Variants in CCDC152 observed in about 807,000 individuals in gnomAD.
The protein encoded by CCDC152 is coiled-coil domain-containing protein 152.
In CCDC152, 37 loss-of-function variants were observed where a neutral mutation model predicts 38.1. The observed-to-expected ratio is 0.97, with a 90% confidence interval of 0.75 to 1.28. CCDC152 has a LOEUF of 1.28. Ranked by LOEUF, CCDC152 falls within the 50% of genes most tolerant of loss-of-function variation. The pLI is 0.00. For synonymous variants in CCDC152, 83 were observed against 87.1 expected, an observed-to-expected ratio of 0.95 and a Z score of 0.26; for missense variants, 259 against 292.1, an observed-to-expected ratio of 0.89 and a Z score of 0.83.
intron 6 of CCDC152, among the ~76,000 whole-genome samples, chr5:42,787,567 T>C (rs2111579727): frequency 6.6e-6 from 1 of 152,248 alleles, no homozygotes; most frequent in South Asian, 2.1e-4. Flanking sequence ...TAAATCTGGG[T>C]GTTCCAGTGT....
chr5:42,775,987 A>G (rs1759764362), intron 4 of CCDC152, among the ~76,000 whole-genome samples: 1 of 151,998 alleles, frequency 6.6e-6, no homozygotes, highest in Admixed American at 6.5e-5. Flanking sequence ...ATCACGTGAA[A>G]TACTCAAAAC....
At chr5:42,769,284 T>A (rs1759667453) in intron 3 of CCDC152, among the ~76,000 whole-genome samples, 1 of 151,996 alleles carries the variant, frequency 6.6e-6, no homozygotes, top group Admixed American at 6.5e-5. Flanking sequence ...TTTATATAAT[T>A]TTATTTAAGG....
chr5:42,758,884 G>C (rs1759513708), intron 1 of CCDC152, among the ~76,000 whole-genome samples: 1 of 152,164 alleles, frequency 6.6e-6, no homozygotes, highest in South Asian at 2.1e-4. Flanking sequence ...TTTTAATGCA[G>C]TAAAGAAACA....
intron 3 of CCDC152, among the ~76,000 whole-genome samples, chr5:42,767,794 T>C (rs1759645179): frequency 6.6e-6 from 1 of 152,244 alleles, no homozygotes; most frequent in South Asian, 2.1e-4. Context: ...TCAGCTACTA[T>C]ATTCTATGAA....
intron 7 of CCDC152, 109 bp from the exon 8 acceptor site, chr5:42,799,266 A>G (rs2111609706): frequency 1.7e-6 from 1 of 585,508 alleles, no homozygotes; most frequent in South Asian, 2.7e-5. Flanking sequence ...ACTGTAATTT[A>G]CACCTGAATT....
intron 4 of CCDC152, among the ~76,000 whole-genome samples, chr5:42,772,479 T>A (rs566148842): frequency 1.3e-5 from 2 of 152,090 alleles, no homozygotes; most frequent in South Asian, 4.2e-4. Flanking sequence ...AAACCCCGCC[T>A]CTACTAAAAA....
intron 4 of CCDC152, among the ~76,000 whole-genome samples, chr5:42,776,495 G>T (rs1759769805): frequency 6.6e-6 from 1 of 152,130 alleles, no homozygotes; most frequent in African/African-American, 2.4e-5. Flanking sequence ...TGTAGTTGAA[G>T]ATTTCAACAT....
chr5:42,765,235 C>A (rs1007656207), intron 3 of CCDC152, among the ~76,000 whole-genome samples: 2 of 152,016 alleles, frequency 1.3e-5, no homozygotes, highest in African/African-American at 4.8e-5. Flanking sequence ...ATAATGAAAA[C>A]TGTAAAACAC....
At position 42,773,737 on chromosome 5, in the gene CCDC152, T is replaced by C. The variant is rs951106429; in HGVS notation, c.262+4072T>C. Among the ~76,000 whole-genome samples, 12 of 152,322 alleles carry C rather than the reference T, an allele frequency of 7.9e-5. No homozygotes were observed. In the East Asian group the frequency reaches 2.3e-3, roughly 29 times the overall value. ...TTCTCCTACCCCCATACAAGCTCTT[T>C]ATCAGGCATATTAAGTTAAAAAGTA... On this transcript the variant is annotated intron_variant, in intron 4 of 8. Transcript: ENST00000361970.
chr5:42,784,983 A>G (rs1410847478), intron 6 of CCDC152, among the ~76,000 whole-genome samples: 2 of 152,024 alleles, frequency 1.3e-5, no homozygotes, highest in East Asian at 1.9e-4. Context: ...TTGTACTAGT[A>G]CTATGCTGTT....
intron 6 of CCDC152, among the ~76,000 whole-genome samples, chr5:42,786,276 A>T (rs1759920421): frequency 6.6e-6 from 1 of 151,714 alleles, no homozygotes; most frequent in African/African-American, 2.4e-5. Flanking sequence ...TGTTGTTGGT[A>T]TATTTTTTAT....
At chr5:42,799,528 C>T in intron 8 of CCDC152, 70 bp downstream of exon 8, 1 of 1,197,982 alleles carries the variant, frequency 8.3e-7, no homozygotes, top group Non-Finnish European at 1.2e-6. Context: ...TAAAAATCAT[C>T]TAATTCTTAT....
rs903945799 is a variant in CCDC152, at chr5:42,770,259, A to G, written c.262+594A>G. Among the ~76,000 whole-genome samples, 5 of 152,330 alleles carry G rather than the reference A, an allele frequency of 3.3e-5. No individual in the cohort carries two copies. The East Asian group carries it at 7.7e-4, about 23-fold the overall frequency. On this transcript the variant is annotated intron_variant, in intron 4 of 8. Transcript: ENST00000361970. ...AAATTGCCTTAAAGGCCCCTTCCAC[A>G]TAAAACTCACATCAAATAAGCATTT...
intron 4 of CCDC152, among the ~76,000 whole-genome samples, chr5:42,774,848 T>C (rs932474793): frequency 1.3e-5 from 2 of 151,982 alleles, no homozygotes; most frequent in Admixed American, 6.6e-5. Context: ...ACCAGAAATT[T>C]TAAAAAACTA....
chr5:42,769,458 C>T, intron 3 of CCDC152, 139 bp from the exon 4 acceptor site: 1 of 1,006,360 alleles, frequency 9.9e-7, no homozygotes. Context: ...CTGCCTCAGC[C>T]TCTTGAGTCA....
chr5:42,763,172 A>AAAAC (rs1431727956), intron 3 of CCDC152, among the ~76,000 whole-genome samples: 1 of 152,222 alleles, frequency 6.6e-6, no homozygotes, highest in Non-Finnish European at 1.5e-5. Context: ...CAAAAAGGAA[A>AAAAC]AAACAAACAA....
chr5:42,800,608 G>T lies in CCDC152; in HGVS notation c.*827G>T. 3 of 1,293,452 alleles carry T rather than the reference G, an allele frequency of 2.3e-6. No individual in the cohort carries two copies. The highest frequency in any genetic ancestry group is 2.1e-6 in the Non-Finnish European group (2 of 948,032). 80.1% of individuals were successfully genotyped at this position (1,293,452 alleles called of 1,614,324 possible). On this transcript the variant is annotated 3_prime_UTR_variant, in exon 9 of 9. Transcript: ENST00000361970. The stretch of plus-strand genomic sequence containing the variant: ...AAGCCAATTCAGTAGATTTCTCCAT[G>T]TTTGCACAAATCTAATTTCTATTTT...
chr5:42,782,385 C>T (rs148155032), intron 5 of CCDC152, among the ~76,000 whole-genome samples: 1 of 152,054 alleles, frequency 6.6e-6, no homozygotes, highest in East Asian at 1.9e-4. Context: ...TATTCTAAAC[C>T]CTGGTAATGA....
At chr5:42,791,484 C>T (rs1759999163) in intron 6 of CCDC152, among the ~76,000 whole-genome samples, 1 of 152,238 alleles carries the variant, frequency 6.6e-6, no homozygotes, top group Admixed American at 6.5e-5. Flanking sequence ...TTTTTTACCC[C>T]TCACCAGCAC....
Sources: allele counts gnomAD v4.1 joint callset (sites outside exome capture counted in the v4.1 genomes callset), GRCh38; gene constraint gnomAD v4.1.1; transcripts MANE v1.5; gene names NCBI Gene and HGNC (gene_info 2026-07-23, HGNC 2026-07-21).